COL11A1: variants seen among roughly 807,000 people sequenced by gnomAD.
The protein encoded by COL11A1 is collagen type XI alpha 1 chain, also known as collagen alpha-1(XI) chain.
COL11A1 carries 74 observed loss-of-function variants against 265.2 expected under a neutral mutation model. That is an observed-to-expected ratio of 0.28 (90% CI 0.23 to 0.34). The LOEUF (loss-of-function observed/expected upper bound fraction) is 0.34, where lower values mean the gene tolerates loss of function less well. COL11A1 is among the 10% of genes least tolerant of loss of function. The pLI is 1.00. For missense variants in COL11A1, 2,165 were observed against 2,263.6 expected (o/e 0.96, Z 0.88); for synonymous variants, 816 against 727.6 (o/e 1.12, Z -1.96).
Position 103,014,600 on chromosome 1 carries a change from A to T in COL11A1, c.1489-6T>A. The T allele has an allele frequency of 6.2e-7, 1 of 1,612,030 alleles. No homozygotes were observed. The highest frequency in any genetic ancestry group is 2.2e-5 in the East Asian group (1 of 44,824). ...CCATCACCACCATAACGGAACTTGG[A>T]AGAGATAACATTAAGAAATTCAAAA... On this transcript the variant is annotated splice_polypyrimidine_tract_variant and splice_region_variant and intron_variant, in intron 12 of 66. Coordinates refer to ENST00000370096, the MANE Select transcript of COL11A1 (RefSeq NM_001854.4).
At chr1:102,996,737 C>T (rs1664666477) in intron 26 of COL11A1, among the ~76,000 whole-genome samples, 1 of 151,652 alleles carries the variant, frequency 6.6e-6, no homozygotes, top group African/African-American at 2.4e-5. Flanking sequence ...ATAATGGTTA[C>T]CAGAAAGTAA....
At chr1:103,003,823 C>G (rs562435757) in intron 20 of COL11A1, among the ~76,000 whole-genome samples, 2 of 152,242 alleles carry the variant, frequency 1.3e-5, no homozygotes, top group East Asian at 3.9e-4. Flanking sequence ...CCCTCCTGCA[C>G]CTGCTCACCT....
chr1:102,934,540 G>C lies in COL11A1; in HGVS notation c.3509C>G (p.Pro1170Arg). Residue 1170 changes from proline (P) to arginine (R), a missense_variant, in exon 46 of 67, where the codon CCA becomes CGA. Coordinates refer to ENST00000370096, the MANE Select transcript of COL11A1 (RefSeq NM_001854.4). ...CATCCCCTGCTGTCCTCTAGGACCT[G>C]GTTCACCATCACCTCCCTAGAGAAG... Reference protein sequence around the residue: ...APGIAGGDGEPGPRGQQGMFG... With the variant: ...APGIAGGDGERGPRGQQGMFG... 6.2e-7 allele frequency: 1 copy of C among 1,613,590 alleles called. No individual in the cohort carries two copies. The highest frequency in any genetic ancestry group is 1.6e-4 in the Middle Eastern group (1 of 6,062).
chr1:103,079,686 G>C (rs1157417249), intron 2 of COL11A1, among the ~76,000 whole-genome samples: 2 of 151,820 alleles, frequency 1.3e-5, no homozygotes, highest in East Asian at 3.9e-4. Flanking sequence ...TATCTTATTT[G>C]AGCCTCTTAC....
At chr1:103,096,559 G>A (rs1434439375) in intron 1 of COL11A1, among the ~76,000 whole-genome samples, 1 of 151,968 alleles carries the variant, frequency 6.6e-6, no homozygotes, top group Non-Finnish European at 1.5e-5. Flanking sequence ...AGGCAGTCAA[G>A]TATGCAAGTC....
chr1:102,954,130 G>T (rs1660146213), intron 41 of COL11A1, among the ~76,000 whole-genome samples: 1 of 152,072 alleles, frequency 6.6e-6, no homozygotes, highest in South Asian at 2.1e-4. Flanking sequence ...GCTTTTAAAA[G>T]GGAAGAATTT....
chr1:102,901,095 G>A (rs1191714178), intron 54 of COL11A1, among the ~76,000 whole-genome samples: 2 of 151,990 alleles, frequency 1.3e-5, no homozygotes, highest in African/African-American at 2.4e-5. Flanking sequence ...CAAGGCAGGC[G>A]GATCGCCTCA....
intron 41 of COL11A1, among the ~76,000 whole-genome samples, chr1:102,961,242 G>A (rs886759296): frequency 3.9e-5 from 6 of 151,902 alleles, no homozygotes; most frequent in Non-Finnish European, 8.8e-5. Flanking sequence ...GTTTTCTGAG[G>A]GATTGATATG....
At chr1:102,890,782 A>G (rs913031667) in intron 57 of COL11A1, among the ~76,000 whole-genome samples, 3 of 152,112 alleles carry the variant, frequency 2.0e-5, no homozygotes, top group Non-Finnish European at 4.4e-5. Context: ...TAAAGTGTCA[A>G]TTTTTAAGTA....
intron 6 of COL11A1, 113 bp from the exon 7 acceptor site, chr1:103,025,726 G>T (rs769122973): frequency 5.7e-6 from 9 of 1,587,478 alleles, no homozygotes; most frequent in East Asian, 2.2e-5. Context: ...ATCTAGTTGG[G>T]TTAAGACTAT....
chr1:103,034,571 T>C (rs1470412612), intron 4 of COL11A1, among the ~76,000 whole-genome samples: 1 of 152,146 alleles, frequency 6.6e-6, no homozygotes, highest in East Asian at 1.9e-4. Context: ...ACTTTCTATT[T>C]GGTAAGACAA....
At position 102,898,926 on chromosome 1, in the gene COL11A1, T is replaced by C. The variant is rs1570664959; in HGVS notation, c.4140+15A>G. ...ATATATAATATATATTATGTATATA[T>C]TATTTTTTTTTTACCTTAGCACCTT... On this transcript the variant is annotated intron_variant, in intron 55 of 66. Coordinates refer to ENST00000370096, the MANE Select transcript of COL11A1 (RefSeq NM_001854.4). The C allele has an allele frequency of 1.5e-6, 2 of 1,336,352 alleles. No homozygotes were observed. Among genetic ancestry groups the C allele is most frequent in the South Asian group, 1.5e-5 (1 of 67,636 alleles). The allele number at this position is 1,336,352 out of a possible 1,614,324, so 82.8% of individuals were successfully genotyped here. A position where few individuals can be genotyped will look rare whatever the true frequency, so the allele number is the denominator to read the frequency against.
intron 4 of COL11A1, among the ~76,000 whole-genome samples, chr1:103,032,978 A>G (rs1668098273): frequency 6.6e-6 from 1 of 152,150 alleles, no homozygotes. Context: ...TAATTGCAGA[A>G]AAATTTCATG....
At chr1:103,099,168 C>G (rs1267197139) in intron 1 of COL11A1, among the ~76,000 whole-genome samples, 1 of 151,578 alleles carries the variant, frequency 6.6e-6, no homozygotes, top group African/African-American at 2.4e-5. Flanking sequence ...ATAAACATAC[C>G]TATACCAGTG....
Position 102,974,896 on chromosome 1 carries a change from A to G in COL11A1, c.2755-13T>C. ...GTCCTTGAGGACCCTGGAAATAAAA[A>G]GCAGTGGGGAGAAGTTAACAATATG... On this transcript the variant is annotated splice_polypyrimidine_tract_variant and intron_variant, in intron 35 of 66. Transcript: ENST00000370096. The G allele has an allele frequency of 6.2e-7, 1 of 1,610,478 alleles. No homozygotes were observed. Among genetic ancestry groups the G allele is most frequent in the East Asian group, 2.2e-5 (1 of 44,808 alleles).
In COL11A1 at chr1:103,108,451, T is replaced by G. The variant is rs1378133996; in HGVS notation, c.-273A>C. 1 of 599,906 alleles carries G rather than the reference T, an allele frequency of 1.7e-6. No homozygotes were observed. Among genetic ancestry groups the G allele is most frequent in the Non-Finnish European group, 3.0e-6 (1 of 337,974 alleles). 37.2% of individuals were successfully genotyped at this position (599,906 alleles called of 1,614,324 possible). A position where few individuals can be genotyped will look rare whatever the true frequency, so the allele number is the denominator to read the frequency against. On this transcript the variant is annotated 5_prime_UTR_variant, in exon 1 of 67. Transcript: ENST00000370096. ...CCTCTGCCGGGCCCTGCCTTCAGAA[T>G]GAAGGCAGATGAGGGGCTTCCACCA...
Position 102,969,497 on chromosome 1 carries a change from A to G in COL11A1, c.2862+722T>C, listed in dbSNP as rs536050443. Among the ~76,000 whole-genome samples, 3 of 152,322 alleles carry G rather than the reference A, an allele frequency of 2.0e-5. No individual in the cohort carries two copies. The East Asian group carries it at 5.8e-4, about 29-fold the overall frequency. On this transcript the variant is annotated intron_variant, in intron 37 of 66. Coordinates refer to ENST00000370096, the MANE Select transcript of COL11A1 (RefSeq NM_001854.4). ...CAATCCATGATGATTTCTGATTAGA[A>G]TGACAATCCACTGGGATAGCCAGAT...
chr1:102,994,544 A>G (rs1664442616), intron 28 of COL11A1, among the ~76,000 whole-genome samples: 1 of 152,130 alleles, frequency 6.6e-6, no homozygotes, highest in African/African-American at 2.4e-5. Context: ...CTGCACAACC[A>G]TAAGCCAATT....
Position 102,917,013 on chromosome 1 carries a change from A to G in COL11A1, c.3763-1329T>C, listed in dbSNP as rs369931618. On this transcript the variant is annotated intron_variant, in intron 49 of 66. Coordinates refer to ENST00000370096, the MANE Select transcript of COL11A1 (RefSeq NM_001854.4). ...ATTTAGAAATATGATAAGTCTATTG[A>G]GCATGTACATTGAACATGCCATTTT... 4.6e-5 allele frequency among the ~76,000 whole-genome samples: 7 copies of G among 151,928 alleles called. No homozygotes were observed. In the East Asian group the frequency reaches 1.2e-3, roughly 25 times the overall value.
Sources: allele counts gnomAD v4.1 joint callset (sites outside exome capture counted in the v4.1 genomes callset), GRCh38; gene constraint gnomAD v4.1.1; transcripts MANE v1.5; gene names NCBI Gene and HGNC (gene_info 2026-07-23, HGNC 2026-07-21).